ARL6IP1: variants seen among roughly 807,000 people sequenced by gnomAD.
ARL6IP1 encodes the protein ARL6 interacting reticulophagy regulator 1.
In ARL6IP1, 16 loss-of-function variants were observed where a neutral mutation model predicts 30.1. The ratio of observed to expected loss-of-function variants is 0.53; its 90% CI spans 0.36 to 0.81. The LOEUF is 0.81. ARL6IP1 is among the 30% of genes least tolerant of loss of function. The probability of loss-of-function intolerance (pLI) is 0.01; values close to 1 mark genes in which losing one functional copy is unlikely to be tolerated. For missense variants in ARL6IP1, 173 were observed against 242.7 expected, an observed-to-expected ratio of 0.71 and a Z score of 1.91; for synonymous variants, 72 against 84.8, an observed-to-expected ratio of 0.85 and a Z score of 0.83.
At position 18,795,442 on chromosome 16, in the gene ARL6IP1, T is replaced by G. The variant is rs148280904; in HGVS notation, c.408+22A>C. 770 of 1,572,926 alleles carry G rather than the reference T, an allele frequency of 4.9e-4. 8 individuals are homozygous for G. The East Asian group carries it at 0.015, about 30-fold the overall frequency. On this transcript the variant is annotated intron_variant, in intron 4 of 5. Transcript: ENST00000304414. ...TCAAATCTTAAAATTTTACTGTACT[T>G]AAGTCAAAGCAAAAAAAGTACCATC...
Position 18,792,569 on chromosome 16 carries a change from C to T in ARL6IP1, c.*683G>A, listed in dbSNP as rs189705410. The T allele has an allele frequency of 1.8e-4, 27 of 152,592 alleles. No homozygotes were observed. In the East Asian group the frequency reaches 4.6e-3, roughly 26 times the overall value. The allele number at this position is 152,592 out of a possible 1,614,324, so 9.5% of individuals were successfully genotyped here. ...AAAGCCTTTAAGGATTTACTAACTTCGAGTCTAAGTGCAAGGGGACGAAAG... is the reference window on the plus strand; with the variant it reads ...AAAGCCTTTAAGGATTTACTAACTTTGAGTCTAAGTGCAAGGGGACGAAAG... On this transcript the variant is annotated 3_prime_UTR_variant, in exon 6 of 6. Coordinates refer to ENST00000304414, the MANE Select transcript of ARL6IP1 (RefSeq NM_015161.3).
At chr16:18,797,774 T>G in intron 3 of ARL6IP1, 151 bp downstream of exon 3, 1 of 956,270 alleles carries the variant, frequency 1.0e-6, no homozygotes, top group Non-Finnish European at 1.5e-6. Flanking sequence ...TTCAAATCAG[T>G]TACAATATTC....
At chr16:18,797,869 C>T in intron 3 of ARL6IP1, 56 bp downstream of exon 3, 1 of 1,582,064 alleles carries the variant, frequency 6.3e-7, no homozygotes, top group Non-Finnish European at 8.6e-7. Flanking sequence ...CTAATCACAG[C>T]CACCAAGTTC....
At chr16:18,801,061 A>C in intron 1 of ARL6IP1, 1 of 644,866 alleles carries the variant, frequency 1.6e-6, no homozygotes, top group Non-Finnish European at 2.1e-6. Context: ...GGTTAAGATC[A>C]AAGACGGGGA....
In ARL6IP1 at chr16:18,792,289, G is replaced by A. The variant is rs775312788; in HGVS notation, c.*963C>T. On this transcript the variant is annotated 3_prime_UTR_variant, in exon 6 of 6. Transcript: ENST00000304414. Reference sequence around the variant, plus strand: ...CAAACCTAGGGGACTAAAATGGTCAGTATTACCATAAAATGATAATTTTGA... The same window carrying A: ...CAAACCTAGGGGACTAAAATGGTCAATATTACCATAAAATGATAATTTTGA... The A allele has an allele frequency of 1.7e-4, 26 of 152,198 alleles. No individual in the cohort carries two copies. The highest frequency in any genetic ancestry group is 3.2e-4 in the Non-Finnish European group (22 of 68,034). The allele number at this position is 152,198 out of a possible 1,614,324, so 9.4% of individuals were successfully genotyped here. A position where few individuals can be genotyped will look rare whatever the true frequency, so the allele number is the denominator to read the frequency against.
At chr16:18,799,423 T>C (rs1202738778) in intron 1 of ARL6IP1, among the ~76,000 whole-genome samples, 1 of 152,178 alleles carries the variant, frequency 6.6e-6, no homozygotes, top group Non-Finnish European at 1.5e-5. Context: ...TTAGACTCAA[T>C]TTACAATTAA....
rs1333594483 is a variant in ARL6IP1, at chr16:18,793,200, G to A, written c.*52C>T. 1.9e-5 allele frequency: 23 copies of A among 1,213,144 alleles called. No individual in the cohort carries two copies. The highest frequency in any genetic ancestry group is 2.6e-5 in the Non-Finnish European group (22 of 831,646). The allele number at this position is 1,213,144 out of a possible 1,614,324, so 75.1% of individuals were successfully genotyped here. On this transcript the variant is annotated 3_prime_UTR_variant, in exon 6 of 6. Coordinates refer to ENST00000304414, the MANE Select transcript of ARL6IP1 (RefSeq NM_015161.3). ...AGTATCCAGATAGTACAGCAGAAAC[G>A]GTTCCCGGGGCAATGGGTGCTGCAT...
In ARL6IP1 at chr16:18,801,460, C is replaced by G; in HGVS notation, c.7G>C (p.Glu3Gln). The G allele has an allele frequency of 6.2e-7, 1 of 1,613,028 alleles. No homozygotes were observed. The highest frequency in any genetic ancestry group is 8.5e-7 in the Non-Finnish European group (1 of 1,179,702). MA[E>Q]GDNRSTNLLA... ...AGGTTGGTGCTGCGATTATCTCCCTCCGCCATCGTCTCGGGGATGCAGTCT... is the reference window on the plus strand; with the variant it reads ...AGGTTGGTGCTGCGATTATCTCCCTGCGCCATCGTCTCGGGGATGCAGTCT... Residue 3 changes from glutamate to glutamine, a missense_variant, in exon 1 of 6, where the codon GAG becomes CAG. Transcript: ENST00000304414.
intron 1 of ARL6IP1, 166 bp downstream of exon 1, chr16:18,801,265 G>A (rs2030400988): frequency 2.8e-6 from 4 of 1,443,978 alleles, no homozygotes; most frequent in Non-Finnish European, 3.6e-6. Context: ...GTAAGGGTTC[G>A]ACACCCAGGA....
At chr16:18,796,085 T>C (rs2030222277) in intron 3 of ARL6IP1, among the ~76,000 whole-genome samples, 1 of 152,140 alleles carries the variant, frequency 6.6e-6, no homozygotes, top group Non-Finnish European at 1.5e-5. Context: ...AAGGCAGCAA[T>C]AAACAGCTCA....
chr16:18,801,415 G>A lies in ARL6IP1; in HGVS notation c.36+16C>T. On this transcript the variant is annotated intron_variant, in intron 1 of 5. Coordinates refer to ENST00000304414, the MANE Select transcript of ARL6IP1 (RefSeq NM_015161.3). ...GGCCTCGCTCGGCTCCCGGGGGACA[G>A]GCAGCCAGGACTCACCAGCAGGTTG... is the stretch of plus-strand genomic sequence containing the variant. The A allele has an allele frequency of 6.2e-7, 1 of 1,612,658 alleles. No homozygotes were observed. Among genetic ancestry groups the A allele is most frequent in the South Asian group, 1.1e-5 (1 of 90,746 alleles).
intron 1 of ARL6IP1, among the ~76,000 whole-genome samples, chr16:18,800,050 A>C (rs2030361361): frequency 6.6e-6 from 1 of 152,180 alleles, no homozygotes; most frequent in South Asian, 2.1e-4. Flanking sequence ...CATTCACTGG[A>C]AATCATGCAA....
chr16:18,801,486 C>G lies in ARL6IP1; in HGVS notation c.-20G>C. ...CGCCATCGTCTCGGGGATGCAGTCT[C>G]TACAAGCGCAGGCCACCTCCCCAAC... On this transcript the variant is annotated 5_prime_UTR_variant, in exon 1 of 6. Transcript: ENST00000304414. The G allele has an allele frequency of 6.2e-7, 1 of 1,611,398 alleles. No homozygotes were observed. The highest frequency in any genetic ancestry group is 8.5e-7 in the Non-Finnish European group (1 of 1,179,168).
chr16:18,797,989 A>G lies in ARL6IP1; in HGVS notation c.226T>C (p.Phe76Leu), dbSNP rs184731865. 3.1e-6 allele frequency: 5 copies of G among 1,613,998 alleles called. 1 individual carries two copies. In the East Asian group the frequency reaches 6.7e-5, roughly 22 times the overall value. Reference sequence around the variant, plus strand: ...ACAAGGTAGTCAGCCAAGCACAAAAACATAACAAAACAGGAAACGCCGGAC... The same window carrying G: ...ACAAGGTAGTCAGCCAAGCACAAAAGCATAACAAAACAGGAAACGCCGGAC... Reference protein sequence around the residue: ...VLSGVSCFVMFLCLADYLVPI... With the variant: ...VLSGVSCFVMLLCLADYLVPI... The change falls in exon 3 of 6, where the codon TTT (phenylalanine) becomes CTT (leucine). Residue 76 changes from phenylalanine to leucine, a missense_variant. Transcript: ENST00000304414.
intron 1 of ARL6IP1, among the ~76,000 whole-genome samples, 181 bp from the exon 2 acceptor site, chr16:18,799,015 T>C (rs1450584838): frequency 6.6e-6 from 1 of 152,114 alleles, no homozygotes; most frequent in African/African-American, 2.4e-5. Flanking sequence ...ATGGGTTTTT[T>C]TGTTTTTTGT....
intron 3 of ARL6IP1, 95 bp from the exon 4 acceptor site, chr16:18,795,676 A>T (rs2030209322): frequency 1.2e-6 from 1 of 800,040 alleles, no homozygotes; most frequent in South Asian, 1.7e-5. Flanking sequence ...TCTAAAGAAA[A>T]TAAAAATAAA....
chr16:18,792,091 A>G lies in ARL6IP1; in HGVS notation c.*1161T>C, dbSNP rs1470871503. On this transcript the variant is annotated 3_prime_UTR_variant, in exon 6 of 6. Coordinates refer to ENST00000304414, the MANE Select transcript of ARL6IP1 (RefSeq NM_015161.3). The stretch of plus-strand genomic sequence containing the variant: ...TTTCAACTACTCTAAATTTCTAGCT[A>G]CCAAGAAGTTAAGAATGATTATAAG... 6.6e-6 allele frequency: 1 copy of G among 152,326 alleles called. No individual in the cohort carries two copies. The highest frequency in any genetic ancestry group is 1.9e-4 in the East Asian group (1 of 5,202). 9.4% of individuals were successfully genotyped at this position (152,326 alleles called of 1,614,324 possible). A position where few individuals can be genotyped will look rare whatever the true frequency, so the allele number is the denominator to read the frequency against.
intron 4 of ARL6IP1, 22 bp downstream of exon 4, chr16:18,795,442 T>TA: frequency 6.4e-7 from 1 of 1,572,930 alleles, no homozygotes; most frequent in Non-Finnish European, 8.7e-7. Flanking sequence ...TTACTGTACT[T>TA]AAGTCAAAGC....
intron 1 of ARL6IP1, 24 bp downstream of exon 1, chr16:18,801,407 G>C: frequency 3.7e-6 from 6 of 1,612,004 alleles, no homozygotes; most frequent in Non-Finnish European, 5.1e-6. Context: ...CTCGGCTCCC[G>C]GGGGACAGGC....
Sources: gnomAD v4.1 joint callset for allele counts (sites outside exome capture counted in the v4.1 genomes callset) on GRCh38, gnomAD v4.1.1 for gene constraint, MANE v1.5 for transcripts, NCBI Gene and HGNC (gene_info 2026-07-23, HGNC 2026-07-21) for gene names.